Variants in UNC13C observed in about 807,000 individuals in gnomAD.
The protein encoded by UNC13C is unc-13 homolog C, also known as protein unc-13 homolog C.
In UNC13C, 174 loss-of-function variants were observed where a neutral mutation model predicts 245.4. That is an observed-to-expected ratio of 0.71 (90% CI 0.63 to 0.80). UNC13C has a LOEUF of 0.80. Among genes scored for constraint, UNC13C ranks in the 30% least tolerant of loss-of-function variants. The pLI, the probability that UNC13C is intolerant of heterozygous loss-of-function variation, is 0.00. For missense variants in UNC13C, 2,829 were observed against 2,602.9 expected (o/e 1.09, Z -1.89); for synonymous variants, 992 against 895.1 (o/e 1.11, Z -1.93).
the UNC13C span, among the ~76,000 whole-genome samples, chr15:53,929,038 C>T: frequency 6.6e-6 from 1 of 152,100 alleles, no homozygotes; most frequent in South Asian, 2.1e-4. Flanking sequence ...TAAAGACATA[C>T]CTAAGACTGG....
intron 2 of UNC13C, among the ~76,000 whole-genome samples, chr15:54,056,826 A>AT (rs1394189245): frequency 6.6e-6 from 1 of 152,204 alleles, no homozygotes; most frequent in Non-Finnish European, 1.5e-5. Flanking sequence ...AAAGAAAAGA[A>AT]TTTTCAACCC....
At chr15:54,333,685 C>T in intron 15 of UNC13C, 82 bp from the exon 16 acceptor site, 1 of 818,528 alleles carries the variant, frequency 1.2e-6, no homozygotes, top group Non-Finnish European at 2.0e-6. Flanking sequence ...CATTTTCTTT[C>T]ATGAGAAGCT....
chr15:54,611,024 T>C (rs1303283768), intron 30 of UNC13C, among the ~76,000 whole-genome samples: 1 of 152,218 alleles, frequency 6.6e-6, no homozygotes, highest in Non-Finnish European at 1.5e-5. Context: ...AGGTTTGATC[T>C]GTAGAAAATC....
At chr15:54,193,687 A>T (rs2034262006) in intron 4 of UNC13C, among the ~76,000 whole-genome samples, 1 of 152,134 alleles carries the variant, frequency 6.6e-6, no homozygotes, top group Non-Finnish European at 1.5e-5. Flanking sequence ...TATTTTACTG[A>T]TAAGAGATTG....
intron 2 of UNC13C, 24 bp downstream of exon 2, chr15:54,015,910 T>G: frequency 1.3e-6 from 2 of 1,512,786 alleles, no homozygotes; most frequent in Non-Finnish European, 1.8e-6. Context: ...AATGCTACAT[T>G]GTGAGCTAAT....
intron 17 of UNC13C, among the ~76,000 whole-genome samples, chr15:54,348,553 C>T (rs1419817652): frequency 6.6e-6 from 1 of 152,070 alleles, no homozygotes; most frequent in Non-Finnish European, 1.5e-5. Context: ...ACAATTTTGG[C>T]CACGTTATCC....
At chr15:54,585,696 T>C (rs1462973916) in intron 30 of UNC13C, among the ~76,000 whole-genome samples, 3 of 152,306 alleles carry the variant, frequency 2.0e-5, no homozygotes, top group South Asian at 2.1e-4. Context: ...CACAGTTTTA[T>C]TGAGTAAGCA....
the UNC13C span, chr15:53,911,148 C>T: frequency 6.6e-6 from 1 of 152,134 alleles, no homozygotes; most frequent in African/African-American, 2.4e-5. Context: ...TGCTCAGTTC[C>T]ACAGGTAAGG....
At chr15:54,206,755 A>G (rs1202777184) in intron 4 of UNC13C, among the ~76,000 whole-genome samples, 1 of 152,148 alleles carries the variant, frequency 6.6e-6, no homozygotes, top group East Asian at 1.9e-4. Flanking sequence ...TAGATATACT[A>G]AGAGTGAATG....
intron 17 of UNC13C, among the ~76,000 whole-genome samples, chr15:54,362,975 A>G (rs2039271080): frequency 6.6e-6 from 1 of 152,216 alleles, no homozygotes; most frequent in Non-Finnish European, 1.5e-5. Context: ...ACAAAAGGCC[A>G]GAGAGAATAT....
At position 54,300,436 on chromosome 15, in the gene UNC13C, C is replaced by T. The variant is rs771267717; in HGVS notation, c.4268+63C>T. The T allele has an allele frequency of 1.9e-5, 26 of 1,397,004 alleles. No individual in the cohort carries two copies. In the East Asian group the frequency reaches 2.3e-4, roughly 12 times the overall value. 86.5% of individuals were successfully genotyped at this position (1,397,004 alleles called of 1,614,324 possible). A position where few individuals can be genotyped will look rare whatever the true frequency, so the allele number is the denominator to read the frequency against. The stretch of plus-strand genomic sequence containing the variant: ...ATTAAAATATAAAGAAAGAAAGGAG[C>T]GTTCATCTCACTTCTAATTCAAATG... On this transcript the variant is annotated intron_variant, in intron 13 of 32. Transcript: ENST00000260323.
chr15:54,366,584 G>T (rs1177813732), intron 17 of UNC13C, among the ~76,000 whole-genome samples: 2 of 151,618 alleles, frequency 1.3e-5, no homozygotes, highest in Non-Finnish European at 2.9e-5. Flanking sequence ...GTGCTAAAAT[G>T]GTAAATATTA....
chr15:53,845,780 T>C, the UNC13C span, among the ~76,000 whole-genome samples: 1 of 152,094 alleles, frequency 6.6e-6, no homozygotes, highest in Non-Finnish European at 1.5e-5. Flanking sequence ...CCAGGGAAAT[T>C]TTAGGTATTA....
intron 18 of UNC13C, among the ~76,000 whole-genome samples, chr15:54,406,735 CTCAGACCCATTTATAGTCACTATGCACT>C (rs2040301844): frequency 6.6e-6 from 1 of 152,106 alleles, no homozygotes; most frequent in South Asian, 2.1e-4. Context: ...ATTAAGTGAG[CTCAGACCCATTTATAGTCACTATGCACT>C]TCTCTTTGCC....
the UNC13C span, among the ~76,000 whole-genome samples, chr15:53,937,420 G>A: frequency 6.6e-6 from 1 of 152,298 alleles, no homozygotes; most frequent in Non-Finnish European, 1.5e-5. Flanking sequence ...TGGGGTACAT[G>A]AAAGAGATGG....
At chr15:54,223,746 A>T (rs1387576233) in intron 4 of UNC13C, among the ~76,000 whole-genome samples, 1 of 151,956 alleles carries the variant, frequency 6.6e-6, no homozygotes, top group African/African-American at 2.4e-5. Flanking sequence ...CATTTTAACA[A>T]TATTAGTTCC....
At chr15:54,156,471 A>G (rs567721600) in intron 4 of UNC13C, among the ~76,000 whole-genome samples, 5 of 152,324 alleles carry the variant, frequency 3.3e-5, no homozygotes, top group South Asian at 2.1e-4. Flanking sequence ...TCAGGAAACA[A>G]TACTTGAAAC....
intron 2 of UNC13C, among the ~76,000 whole-genome samples, chr15:54,061,660 G>C (rs1897841402): frequency 6.6e-6 from 1 of 152,140 alleles, no homozygotes. Flanking sequence ...GGAGAAAAGA[G>C]GGTGAGTTTC....
chr15:54,556,630 G>C (rs2141199473), intron 29 of UNC13C, among the ~76,000 whole-genome samples: 1 of 151,974 alleles, frequency 6.6e-6, no homozygotes, highest in African/African-American at 2.4e-5. Flanking sequence ...ACATGAAAAA[G>C]AAATACAATA....
Sources: allele counts gnomAD v4.1 joint callset (sites outside exome capture counted in the v4.1 genomes callset), GRCh38; gene constraint gnomAD v4.1.1; transcripts MANE v1.5; gene names NCBI Gene and HGNC (gene_info 2026-07-23, HGNC 2026-07-21).